ADARB2: variants seen among roughly 807,000 people sequenced by gnomAD.
ADARB2 encodes the protein inactive double-stranded RNA-specific editase B2.
ADARB2 carries 25 observed loss-of-function variants against 62.2 expected under a neutral mutation model. The ratio of observed to expected loss-of-function variants is 0.40; its 90% confidence interval spans 0.29 to 0.56. ADARB2 has a LOEUF of 0.56. ADARB2 is among the 20% of genes least tolerant of loss of function. ADARB2 has a pLI of 0.43. For missense variants in ADARB2, 1,071 were observed against 1,077.4 expected, an observed-to-expected ratio of 0.99 and a Z score of 0.08; for synonymous variants, 572 against 500.8, an observed-to-expected ratio of 1.14 and a Z score of -1.90.
At chr10:1,271,619 TATGCACACAC>T (rs200169654) in intron 3 of ADARB2, among the ~76,000 whole-genome samples, 3,912 of 152,182 alleles carry the variant, frequency 0.026, 61 homozygotes, top group Middle Eastern at 0.051. Context: ...CACACACGAA[TATGCACACAC>T]ATGCACACAC....
chr10:1,552,304 C>T (rs1190055240), intron 1 of ADARB2, among the ~76,000 whole-genome samples: 2 of 152,226 alleles, frequency 1.3e-5, no homozygotes, highest in Non-Finnish European at 2.9e-5. Context: ...ACTGCACGCT[C>T]CCTCCTCTCT....
chr10:1,528,887 T>C (rs1832182673), intron 1 of ADARB2, among the ~76,000 whole-genome samples: 2 of 152,192 alleles, frequency 1.3e-5, no homozygotes, highest in Non-Finnish European at 2.9e-5. Context: ...GGATCTGCCC[T>C]CTATGAGCTC....
At chr10:1,429,742 C>A (rs1029651520) in intron 1 of ADARB2, among the ~76,000 whole-genome samples, 1 of 152,178 alleles carries the variant, frequency 6.6e-6, no homozygotes, top group African/African-American at 2.4e-5. Context: ...ACTTTGAATA[C>A]CTGATTTTAG....
intron 4 of ADARB2, among the ~76,000 whole-genome samples, chr10:1,262,305 A>AATAATAATAATG (rs1831148027): frequency 7.0e-6 from 1 of 143,714 alleles, no homozygotes; most frequent in Admixed American, 6.9e-5. Flanking sequence ...TAATAATAAT[A>AATAATAATAATG]ATAATAATAA....
At chr10:1,524,491 A>G (rs940037363) in intron 1 of ADARB2, among the ~76,000 whole-genome samples, 5 of 152,224 alleles carry the variant, frequency 3.3e-5, no homozygotes, top group African/African-American at 9.6e-5. Flanking sequence ...GACTTGGATA[A>G]TGGGTCAATC....
At chr10:1,682,262 C>T (rs1834547344) in intron 1 of ADARB2, among the ~76,000 whole-genome samples, 1 of 152,198 alleles carries the variant, frequency 6.6e-6, no homozygotes, top group African/African-American at 2.4e-5. Flanking sequence ...AGCAGCTCAT[C>T]CACAAGCTCA....
chr10:1,640,594 A>T (rs1411630173), intron 1 of ADARB2, among the ~76,000 whole-genome samples: 1 of 152,164 alleles, frequency 6.6e-6, no homozygotes, highest in Non-Finnish European at 1.5e-5. Context: ...AGCATTTTCC[A>T]GATAACAAAC....
At chr10:1,259,613 C>A (rs1831114511) in intron 4 of ADARB2, among the ~76,000 whole-genome samples, 1 of 152,234 alleles carries the variant, frequency 6.6e-6, no homozygotes, top group Non-Finnish European at 1.5e-5. Flanking sequence ...GAAGTTGAAT[C>A]TCTGAATAGA....
chr10:1,252,538 C>T (rs1831045912), intron 4 of ADARB2, among the ~76,000 whole-genome samples: 1 of 152,198 alleles, frequency 6.6e-6, no homozygotes, highest in African/African-American at 2.4e-5. Flanking sequence ...AGCTCCCAGT[C>T]TCCTTGTGGT....
chr10:1,669,274 G>T (rs1285540793), intron 1 of ADARB2, among the ~76,000 whole-genome samples: 1 of 152,162 alleles, frequency 6.6e-6, no homozygotes, highest in African/African-American at 2.4e-5. Context: ...GTGTCTCCCA[G>T]GGGGGTTGAC....
rs377209637 is a variant in ADARB2 at position 1,611,986 on chromosome 10, G to A, written c.100+125065C>T. On this transcript the variant is annotated intron_variant, in intron 1 of 9. Coordinates refer to ENST00000381312, the MANE Select transcript of ADARB2 (RefSeq NM_018702.4). ...TTCACCCCGTGTGAGCAAGGAGACC[G>A]GTCTTCAGAATCACAAGGAATTAGG... Among the ~76,000 whole-genome samples the A allele has an allele frequency of 2.0e-5, 3 of 152,058 alleles. No homozygotes were observed. In the East Asian group the frequency reaches 5.8e-4, roughly 29 times the overall value.
intron 3 of ADARB2, among the ~76,000 whole-genome samples, chr10:1,279,454 C>T (rs1034624200): frequency 6.6e-5 from 10 of 152,146 alleles, no homozygotes; most frequent in African/African-American, 1.9e-4. Context: ...TAGTTGGGAC[C>T]GCAGACACAG....
chr10:1,311,468 G>A (rs774750501), intron 3 of ADARB2, among the ~76,000 whole-genome samples: 5 of 152,028 alleles, frequency 3.3e-5, no homozygotes, highest in Non-Finnish European at 4.4e-5. Context: ...GGGTTCTTCC[G>A]GGAAATGAAA....
intron 1 of ADARB2, among the ~76,000 whole-genome samples, chr10:1,386,106 G>A (rs942170556): frequency 6.6e-6 from 1 of 151,972 alleles, no homozygotes; most frequent in African/African-American, 2.4e-5. Context: ...TGATCATGAG[G>A]TAGTTGGCTA....
chr10:1,197,429 T>C (rs1303536476), intron 8 of ADARB2, among the ~76,000 whole-genome samples: 1 of 152,244 alleles, frequency 6.6e-6, no homozygotes, highest in African/African-American at 2.4e-5. Context: ...ATCTAACTTC[T>C]TTTCTGACAA....
Position 1,363,880 on chromosome 10 carries a change from C to A in ADARB2, c.225G>T (p.Val75=), listed in dbSNP as rs756931278. The change falls in exon 3 of 10, where the codon GTG becomes GTT. Residue 75 remains valine, a synonymous_variant. Transcript: ENST00000381312. Reference sequence around the variant, plus strand: ...GCGGTGGCCGCGCGGCCAGGTTGCCCACGTTGCGGTTCTCCTTCACCTCCG... The same window carrying A: ...GCGGTGGCCGCGCGGCCAGGTTGCCAACGTTGCGGTTCTCCTTCACCTCCG... ...SSAEVKENRN[V]GNLAARPPPS... is the part of the protein sequence containing the mutation. The A allele has an allele frequency of 1.1e-5, 16 of 1,493,844 alleles. No homozygotes were observed. In the East Asian group the frequency reaches 4.0e-4, roughly 37 times the overall value. The allele number at this position is 1,493,844 out of a possible 1,614,324, so 92.5% of individuals were successfully genotyped here. A position where few individuals can be genotyped will look rare whatever the true frequency, so the allele number is the denominator to read the frequency against.
At chr10:1,377,321 C>T (rs1189186621) in intron 2 of ADARB2, among the ~76,000 whole-genome samples, 13 of 126,408 alleles carry the variant, frequency 1.0e-4, no homozygotes, top group Admixed American at 9.0e-4. Context: ...TGCACACATG[C>T]ACATGCCTGG....
At chr10:1,456,901 T>C (rs986357034) in intron 1 of ADARB2, among the ~76,000 whole-genome samples, 3 of 152,054 alleles carry the variant, frequency 2.0e-5, no homozygotes, top group Admixed American at 2.0e-4. Context: ...TTCAAGCGAT[T>C]CTCCTGCCTC....
At chr10:1,448,303 T>C (rs566336155) in intron 1 of ADARB2, among the ~76,000 whole-genome samples, 1 of 152,330 alleles carries the variant, frequency 6.6e-6, no homozygotes, top group East Asian at 1.9e-4. Context: ...ACACAGGGTA[T>C]GGCTCCCTTT....
Sources: allele counts gnomAD v4.1 joint callset (sites outside exome capture counted in the v4.1 genomes callset), GRCh38; gene constraint gnomAD v4.1.1; transcripts MANE v1.5; gene names NCBI Gene and HGNC (gene_info 2026-07-23, HGNC 2026-07-21).